The following GALNT1 variants were observed in gnomAD, a reference collection of about 807,000 sequenced individuals.
GALNT1 encodes the protein polypeptide N-acetylgalactosaminyltransferase 1, also known as GalNAc transferase 1.
In GALNT1, 17 loss-of-function variants were observed where a neutral mutation model predicts 65.7. The observed-to-expected ratio is 0.26, with a 90% CI of 0.18 to 0.39. The LOEUF is 0.39. GALNT1 is among the 10% of genes least tolerant of loss of function. GALNT1 has a pLI of 1.00. For missense variants in GALNT1, 460 were observed against 672.8 expected (o/e 0.68, Z 3.50); for synonymous variants, 210 against 219.7 (o/e 0.96, Z 0.39).
chr18:35,707,437 C>G (rs1424784815), intron 11 of GALNT1, among the ~76,000 whole-genome samples: 3 of 152,148 alleles, frequency 2.0e-5, no homozygotes, highest in African/African-American at 7.2e-5. Context: ...TGACAGCATC[C>G]TACCCACAAG....
intron 4 of GALNT1, 113 bp from the exon 5 acceptor site, chr18:35,683,278 A>T (rs1367012700): frequency 1.7e-5 from 13 of 778,150 alleles, no homozygotes; most frequent in Admixed American, 2.5e-5. Context: ...AGGGAGCCTC[A>T]CTGAGAGTGT....
chr18:35,659,986 A>G (rs1356915503), intron 2 of GALNT1: 1 of 152,206 alleles, frequency 6.6e-6, no homozygotes, highest in Non-Finnish European at 1.5e-5. Flanking sequence ...ATTTTATTGC[A>G]TCTTACATAC....
chr18:35,665,034 T>G (rs539111535), intron 3 of GALNT1, among the ~76,000 whole-genome samples: 1 of 152,242 alleles, frequency 6.6e-6, no homozygotes, highest in East Asian at 1.9e-4. Context: ...ATCACCCTTA[T>G]GGAAACTCAT....
chr18:35,596,146 T>A (rs1024088451), intron 1 of GALNT1: 1 of 152,148 alleles, frequency 6.6e-6, no homozygotes, highest in Non-Finnish European at 1.5e-5. Flanking sequence ...ACAAAGAGGC[T>A]TTCACAGTCA....
intron 3 of GALNT1, among the ~76,000 whole-genome samples, chr18:35,672,362 G>A (rs565743040): frequency 2.3e-4 from 35 of 152,322 alleles, no homozygotes; most frequent in Middle Eastern, 3.4e-3. Flanking sequence ...GAAATGCCAA[G>A]TGGTAAATAT....
intron 3 of GALNT1, among the ~76,000 whole-genome samples, chr18:35,670,663 T>G (rs2047621818): frequency 6.6e-6 from 1 of 152,204 alleles, no homozygotes; most frequent in Admixed American, 6.5e-5. Context: ...TGACTGGAAA[T>G]GCAAAGACCT....
chr18:35,635,646 T>C (rs992489868), intron 1 of GALNT1, among the ~76,000 whole-genome samples: 4 of 152,196 alleles, frequency 2.6e-5, no homozygotes, highest in Non-Finnish European at 5.9e-5. Context: ...ATGCTAGATA[T>C]ACTCTTTAGA....
chr18:35,692,333 TA>T lies in GALNT1; in HGVS notation c.1299+14del. The T allele has an allele frequency of 6.8e-7, 1 of 1,462,084 alleles. No individual in the cohort carries two copies. 90.6% of individuals were successfully genotyped at this position (1,462,084 alleles called of 1,614,324 possible). A position where few individuals can be genotyped will look rare whatever the true frequency, so the allele number is the denominator to read the frequency against. Reference sequence around the variant, plus strand: ...CTCATTGGGAGAGGTAAGAAATATATATATATATATTCTATGTGGTTATTAT... The same window carrying T: ...CTCATTGGGAGAGGTAAGAAATATATTATATATATTCTATGTGGTTATTAT... On this transcript the variant is annotated intron_variant, in intron 9 of 11. Coordinates refer to ENST00000269195, the MANE Select transcript of GALNT1 (RefSeq NM_020474.4).
At chr18:35,645,216 A>ATTTTTTTTTTTTTT in intron 1 of GALNT1, among the ~76,000 whole-genome samples, 1 of 121,098 alleles carries the variant, frequency 8.3e-6, no homozygotes, top group African/African-American at 3.1e-5. Context: ...GCTATTTTGA[A>ATTTTTTTTTTTTTT]TGTTTTTTTT....
At chr18:35,673,594 A>G (rs1466910627) in intron 3 of GALNT1, among the ~76,000 whole-genome samples, 1 of 152,164 alleles carries the variant, frequency 6.6e-6, no homozygotes, top group African/African-American at 2.4e-5. Context: ...GTGCCCTGGG[A>G]TAGGATAAAT....
intron 11 of GALNT1, among the ~76,000 whole-genome samples, chr18:35,703,919 A>G (rs994233888): frequency 1.3e-5 from 2 of 152,182 alleles, no homozygotes; most frequent in Non-Finnish European, 2.9e-5. Flanking sequence ...TTCAAGTTCT[A>G]TAGTCTAGTT....
At chr18:35,617,499 GAACAGTGA>G (rs1442688240) in intron 1 of GALNT1, among the ~76,000 whole-genome samples, 14 of 152,140 alleles carry the variant, frequency 9.2e-5, no homozygotes, top group African/African-American at 3.4e-4. Context: ...AAAGTAGACA[GAACAGTGA>G]AACGAGCCCT....
chr18:35,611,165 G>T (rs2046711239), intron 1 of GALNT1, among the ~76,000 whole-genome samples: 1 of 152,162 alleles, frequency 6.6e-6, no homozygotes, highest in South Asian at 2.1e-4. Flanking sequence ...AAGTTCCAAT[G>T]CATAGAAAAG....
intron 9 of GALNT1, among the ~76,000 whole-genome samples, chr18:35,698,490 T>C (rs991271405): frequency 4.6e-5 from 7 of 151,760 alleles, no homozygotes; most frequent in South Asian, 2.1e-4. Flanking sequence ...TAAAATAAAA[T>C]AAATGAAAAT....
intron 1 of GALNT1, among the ~76,000 whole-genome samples, chr18:35,618,689 A>G (rs1403479079): frequency 2.6e-5 from 4 of 152,136 alleles, no homozygotes; most frequent in African/African-American, 4.8e-5. Flanking sequence ...TAACTTTCCT[A>G]TTACATTGTT....
intron 1 of GALNT1, among the ~76,000 whole-genome samples, chr18:35,611,181 G>T (rs1248446334): frequency 6.6e-6 from 1 of 152,166 alleles, no homozygotes; most frequent in African/African-American, 2.4e-5. Context: ...AAAAGATAAA[G>T]GTGGAGCTGT....
chr18:35,702,958 T>A lies in GALNT1; in HGVS notation c.1361T>A (p.Val454Asp). 6.2e-7 allele frequency: 1 copy of A among 1,611,724 alleles called. No homozygotes were observed. The highest frequency in any genetic ancestry group is 8.5e-7 in the Non-Finnish European group (1 of 1,179,108). Residue 454 changes from valine to aspartate, a missense_variant, in exon 10 of 12, where the codon GTT (valine) becomes GAT (aspartate). Transcript: ENST00000269195. ...ATGGCTAGAAAAGAGAATGAAAAAG[T>A]TGGAATTTTTAATTGCCATGGTATG... ...DNMARKENEK[V>D]GIFNCHGMGG...
rs2048333125 is a variant in GALNT1, at chr18:35,710,303, A to T, written c.*533A>T. On this transcript the variant is annotated 3_prime_UTR_variant, in exon 12 of 12. Transcript: ENST00000269195. ...ACTATATTAAACAGGGTTTAAAGGAAATTAAAACAGAACTATGAGAAGTAC... is the reference window on the plus strand; with the variant it reads ...ACTATATTAAACAGGGTTTAAAGGATATTAAAACAGAACTATGAGAAGTAC... 6.5e-6 allele frequency: 1 copy of T among 152,944 alleles called. No homozygotes were observed. Among genetic ancestry groups the T allele is most frequent in the African/African-American group, 2.4e-5 (1 of 41,448 alleles). 9.5% of individuals were successfully genotyped at this position (152,944 alleles called of 1,614,324 possible). A position where few individuals can be genotyped will look rare whatever the true frequency, so the allele number is the denominator to read the frequency against.
At chr18:35,683,627 T>C in intron 5 of GALNT1, 29 bp downstream of exon 5, 2 of 1,588,144 alleles carry the variant, frequency 1.3e-6, no homozygotes, top group South Asian at 1.1e-5. Flanking sequence ...TAAGTTTGCT[T>C]TTAGTACATT....
Sources: allele counts gnomAD v4.1 joint callset (sites outside exome capture counted in the v4.1 genomes callset), GRCh38; gene constraint gnomAD v4.1.1; transcripts MANE v1.5; gene names NCBI Gene and HGNC (gene_info 2026-07-23, HGNC 2026-07-21).